Variants in CLCNKA observed in about 807,000 individuals in gnomAD.
CLCNKA encodes the protein chloride channel protein ClC-Ka.
A neutral mutation model predicts 83.3 loss-of-function variants in CLCNKA; 66 were observed. The ratio of observed to expected loss-of-function variants is 0.79; its 90% CI spans 0.65 to 0.97. The LOEUF is 0.97. Among genes scored for constraint, CLCNKA ranks in the 50% least tolerant of loss-of-function variants. The pLI, the probability that CLCNKA is intolerant of heterozygous loss-of-function variation, is 0.00. For missense variants in CLCNKA, 806 were observed against 888.7 expected, an observed-to-expected ratio of 0.91 and a Z score of 1.18; for synonymous variants, 357 against 370.4, an observed-to-expected ratio of 0.96 and a Z score of 0.42.
At chr1:16,026,021 T>C (rs1483716827) in intron 4 of CLCNKA, 87 bp from the exon 5 acceptor site, 3 of 1,582,600 alleles carry the variant, frequency 1.9e-6, no homozygotes, top group Admixed American at 1.7e-5. Flanking sequence ...CCCAAAGTGC[T>C]GGGATTACAG....
chr1:16,033,307 G>A (rs549726455), intron 19 of CLCNKA, 51 bp downstream of exon 19: 53 of 1,593,342 alleles, frequency 3.3e-5, no homozygotes, highest in African/African-American at 1.6e-4. Context: ...GCCTGAGAAG[G>A]CTGGGGAGAT....
At chr1:16,025,625 T>C (rs1424763861) in intron 4 of CLCNKA, among the ~76,000 whole-genome samples, 4 of 103,378 alleles carry the variant, frequency 3.9e-5, no homozygotes, top group Admixed American at 1.3e-4. Context: ...AAGTCGGGGT[T>C]ATAATGAGCC....
chr1:16,024,695 C>T (rs2022274454), intron 3 of CLCNKA, 68 bp from the exon 4 acceptor site: 2 of 1,602,454 alleles, frequency 1.2e-6, no homozygotes, highest in Non-Finnish European at 1.7e-6. Context: ...AGTAAGTGGG[C>T]ACCACAGTGT....
chr1:16,032,563 C>CG, intron 18 of CLCNKA, 37 bp downstream of exon 18: 2 of 1,489,592 alleles, frequency 1.3e-6, no homozygotes, highest in South Asian at 2.3e-5. Context: ...ACGCAGCCCC[C>CG]GGGGCAGGGC....
At chr1:16,029,101 C>G in intron 11 of CLCNKA, 25 bp from the exon 12 acceptor site, 1 of 1,608,484 alleles carries the variant, frequency 6.2e-7, no homozygotes, top group Non-Finnish European at 8.5e-7. Context: ...CCCCTCATGT[C>G]CAGTTCCCAC....
At chr1:16,028,235 C>G (rs2022457077) in intron 10 of CLCNKA, 116 bp downstream of exon 10, 1 of 952,844 alleles carries the variant, frequency 1.0e-6, no homozygotes, top group Non-Finnish European at 1.6e-6. Flanking sequence ...CTCCCTAGCC[C>G]GTGGAGCATC....
In CLCNKA at chr1:16,029,119, G is replaced by T; in HGVS notation, c.1054-7G>T. ...CTCATGTCCAGTTCCCACCTGCCCCGCCACAGCTGTCCATGAAGCAGCATC... is the reference window on the plus strand; with the variant it reads ...CTCATGTCCAGTTCCCACCTGCCCCTCCACAGCTGTCCATGAAGCAGCATC... On this transcript the variant is annotated splice_region_variant and splice_polypyrimidine_tract_variant and intron_variant, in intron 11 of 19. Transcript: ENST00000331433. 6.2e-7 allele frequency: 1 copy of T among 1,608,398 alleles called. No homozygotes were observed. The highest frequency in any genetic ancestry group is 8.5e-7 in the Non-Finnish European group (1 of 1,178,194).
In CLCNKA at chr1:16,030,656, T is replaced by C. The variant is rs2022587261; in HGVS notation, c.1604T>C (p.Ile535Thr). 6.2e-7 allele frequency: 1 copy of C among 1,613,310 alleles called. No homozygotes were observed. Among genetic ancestry groups the C allele is most frequent in the Non-Finnish European group, 8.5e-7 (1 of 1,180,034 alleles). ...AAGAAGCTGCCATACCTGCCACGGA[T>C]TCTGGGCCGCAACATCGGGTGAGTG... is the stretch of plus-strand genomic sequence containing the variant. ...IVKKLPYLPR[I>T]LGRNIGSHHV... Residue 535 changes from isoleucine to threonine, a missense_variant, in exon 15 of 20, where the codon ATT (isoleucine) becomes ACT (threonine). Coordinates refer to ENST00000331433, the MANE Select transcript of CLCNKA (RefSeq NM_004070.4).
At chr1:16,029,415 T>G in intron 12 of CLCNKA, 116 bp downstream of exon 12, 1 of 1,489,822 alleles carries the variant, frequency 6.7e-7, no homozygotes, top group Non-Finnish European at 9.2e-7. Context: ...CCACACTTCC[T>G]TCTGTGCCCC....
chr1:16,022,662 C>A lies in CLCNKA; in HGVS notation c.43C>A (p.Pro15Thr), dbSNP rs762639270. The A allele has an allele frequency of 6.4e-7, 1 of 1,568,136 alleles. No homozygotes were observed. The stretch of plus-strand genomic sequence containing the variant: ...GCTGCGTGAGGGCTTCTCAGGGGAC[C>A]CTGTGACTCTGCAGGAGCTGTGGGG... ...VGLREGFSGD[P>T]VTLQELWGPC... Residue 15 changes from proline (P) to threonine (T), a missense_variant, in exon 2 of 20, where the codon CCT (proline) becomes ACT (threonine). By Grantham distance (38) the Pro-to-Thr change is conservative (BLOSUM62 -1). Transcript: ENST00000331433.
chr1:16,033,662 G>C lies in CLCNKA; in HGVS notation c.*4G>C. The stretch of plus-strand genomic sequence containing the variant: ...AAATCCGCCAGCTCCAAAGTGAGCC[G>C]GCCCAGCAAGATGAAACAGGGCACC... On this transcript the variant is annotated 3_prime_UTR_variant, in exon 20 of 20. Transcript: ENST00000331433. 6.3e-7 allele frequency: 1 copy of C among 1,590,748 alleles called. No individual in the cohort carries two copies. Among genetic ancestry groups the C allele is most frequent in the Non-Finnish European group, 8.5e-7 (1 of 1,170,516 alleles).
At chr1:16,026,350 G>A in intron 5 of CLCNKA, 103 bp downstream of exon 5, 2 of 1,416,798 alleles carry the variant, frequency 1.4e-6, no homozygotes, top group Non-Finnish European at 1.9e-6. Context: ...ACTCAGGCCA[G>A]TGCCTGCCTT....
intron 10 of CLCNKA, chr1:16,028,516 C>A: frequency 1.5e-6 from 1 of 663,038 alleles, no homozygotes; most frequent in Non-Finnish European, 2.8e-6. Context: ...TGCCCCAATT[C>A]TCCTCTCAAT....
At chr1:16,029,413 C>A in intron 12 of CLCNKA, 114 bp downstream of exon 12, 7 of 1,488,914 alleles carry the variant, frequency 4.7e-6, no homozygotes, top group Non-Finnish European at 6.5e-6. Context: ...ACCCACACTT[C>A]CTTCTGTGCC....
At position 16,029,142 on chromosome 1, in the gene CLCNKA, A is replaced by G. The variant is rs753212259; in HGVS notation, c.1070A>G (p.His357Arg). The G allele has an allele frequency of 3.1e-6, 5 of 1,611,572 alleles. No homozygotes were observed. In the South Asian group the frequency reaches 5.5e-5, roughly 18 times the overall value. The stretch of plus-strand genomic sequence containing the variant: ...CCGCCACAGCTGTCCATGAAGCAGC[A>G]TCTGGACTCGCTGTTCGACAACCAC... ...FLASRLSMKQ[H>R]LDSLFDNHSW... Residue 357 changes from histidine (H) to arginine (R), a missense_variant, in exon 12 of 20, where the codon CAT becomes CGT. His to Arg is a conservative substitution (Grantham distance 29). Transcript: ENST00000331433.
In CLCNKA at chr1:16,022,698, C is replaced by T. The variant is rs758683307; in HGVS notation, c.79C>T (p.His27Tyr). ...GCAGGAGCTGTGGGGCCCCTGTCCC[C>T]ACATCCGCCGAGCCATCCAAGGTGA... ...TLQELWGPCP[H>Y]IRRAIQGGLE... The change falls in exon 2 of 20, where the codon CAC (histidine) becomes TAC (tyrosine). Residue 27 changes from histidine to tyrosine, a missense_variant. Transcript: ENST00000331433. The T allele has an allele frequency of 6.5e-7, 1 of 1,546,590 alleles. No individual in the cohort carries two copies. The highest frequency in any genetic ancestry group is 1.2e-5 in the South Asian group (1 of 81,338).
intron 11 of CLCNKA, 89 bp downstream of exon 11, chr1:16,028,934 C>T (rs2022498666): frequency 1.3e-6 from 2 of 1,533,002 alleles, no homozygotes; most frequent in Non-Finnish European, 1.8e-6. Context: ...CTCAGCACCC[C>T]ACCAGGGTGA....
At position 16,028,981 on chromosome 1, in the gene CLCNKA, C is replaced by G. The variant is rs151178352; in HGVS notation, c.1053+136C>G. 1.7e-4 allele frequency: 257 copies of G among 1,501,036 alleles called. No homozygotes were observed. In the African/African-American group the frequency reaches 3.1e-3, roughly 18 times the overall value. The allele number at this position is 1,501,036 out of a possible 1,614,324, so 93.0% of individuals were successfully genotyped here. On this transcript the variant is annotated intron_variant, in intron 11 of 19. Transcript: ENST00000331433. ...CATTCTGCAGATAAGGAGACCATGGCTCTGGGAGGTCAGAGCCCTGCCCAA... is the reference window on the plus strand; with the variant it reads ...CATTCTGCAGATAAGGAGACCATGGGTCTGGGAGGTCAGAGCCCTGCCCAA...
intron 4 of CLCNKA, 67 bp downstream of exon 4, chr1:16,024,958 T>A: frequency 6.3e-7 from 1 of 1,596,876 alleles, no homozygotes; most frequent in Non-Finnish European, 8.6e-7. Flanking sequence ...GGGCTTCTGA[T>A]GGGGGGAATC....
Sources: gnomAD v4.1 joint callset for allele counts (sites outside exome capture counted in the v4.1 genomes callset) on GRCh38, gnomAD v4.1.1 for gene constraint, MANE v1.5 for transcripts, NCBI Gene and HGNC (gene_info 2026-07-23, HGNC 2026-07-21) for gene names.